The following KCTD20 variants were observed in gnomAD, a reference collection of about 807,000 sequenced individuals.
The protein encoded by KCTD20 is potassium channel tetramerization domain containing 20, also known as BTB/POZ domain-containing protein KCTD20.
In KCTD20, 30 loss-of-function variants were observed where a neutral mutation model predicts 39.6. The ratio of observed to expected loss-of-function variants is 0.76; its 90% CI spans 0.57 to 1.03. The LOEUF (loss-of-function observed/expected upper bound fraction) is 1.03, where lower values mean the gene tolerates loss of function less well. KCTD20 is among the 50% of genes least tolerant of loss of function. The probability of loss-of-function intolerance (pLI) is 0.00; values close to 1 mark genes in which losing one functional copy is unlikely to be tolerated. For synonymous variants in KCTD20, 162 were observed against 180.6 expected, an observed-to-expected ratio of 0.90 and a Z score of 0.83; for missense variants, 422 against 522.0, an observed-to-expected ratio of 0.81 and a Z score of 1.87.
intron 1 of KCTD20, chr6:36,451,779 T>G (rs1328918345): frequency 6.6e-6 from 1 of 152,272 alleles, no homozygotes; most frequent in African/African-American, 2.4e-5. Flanking sequence ...CATAAACTGC[T>G]GCACCTGGCC....
chr6:36,470,334 T>A, intron 2 of KCTD20, 77 bp downstream of exon 2: 1 of 1,325,724 alleles, frequency 7.5e-7, no homozygotes, highest in South Asian at 1.5e-5. Context: ...AAGGCATGAA[T>A]GTTTTTAATC....
At chr6:36,471,235 ATTC>A (rs1420849081) in intron 2 of KCTD20, among the ~76,000 whole-genome samples, 1 of 152,170 alleles carries the variant, frequency 6.6e-6, no homozygotes, top group Admixed American at 6.5e-5. Context: ...ATAAACTGAA[ATTC>A]TTTTTAACTT....
rs985060504 is a variant in KCTD20, at chr6:36,456,632, C to T, written c.-46-13420C>T. On this transcript the variant is annotated intron_variant, in intron 1 of 7. Transcript: ENST00000373731. ...AGCTGGGATCTTGCTCTGTTATCCA[C>T]GGTGGCATATAGTGGTGCTATCACA... Among the ~76,000 whole-genome samples the T allele has an allele frequency of 1.1e-4, 16 of 144,970 alleles. 1 individual carries two copies. The South Asian group carries it at 2.6e-3, about 24-fold the overall frequency.
rs1442294689 is a variant in KCTD20 at position 36,469,724 on chromosome 6, C to G, written c.-46-328C>G. Among the ~76,000 whole-genome samples, 5 of 152,096 alleles carry G rather than the reference C, an allele frequency of 3.3e-5. No individual in the cohort carries two copies. The highest frequency in any genetic ancestry group is 9.7e-5 in the African/African-American group (4 of 41,400). ...AGTTGGACTCTCTGCTGCCCTATGT[C>G]TCTGTAATATGAATACCACAAAATT... is the stretch of plus-strand genomic sequence containing the variant. On this transcript the variant is annotated intron_variant, in intron 1 of 7. Coordinates refer to ENST00000373731, the MANE Select transcript of KCTD20 (RefSeq NM_173562.5). This position sits in a 1 kb window ranked among gnomAD's most constrained non-coding sequence, Gnocchi z 4.6.
chr6:36,471,820 G>T (rs1301527060), intron 2 of KCTD20, among the ~76,000 whole-genome samples: 3 of 151,562 alleles, frequency 2.0e-5, no homozygotes, highest in Admixed American at 2.0e-4. Flanking sequence ...GCATTCTAAA[G>T]AACTGAATTA....
At chr6:36,479,269 T>C in intron 4 of KCTD20, 46 bp downstream of exon 4, 2 of 1,334,736 alleles carry the variant, frequency 1.5e-6, no homozygotes, top group Middle Eastern at 1.8e-4. Context: ...CAGGGGCATG[T>C]GTGATCAATA....
At chr6:36,477,996 A>G (rs6926796) in intron 3 of KCTD20, among the ~76,000 whole-genome samples, 40,511 of 150,246 alleles carry the variant, frequency 0.27, 6,212 homozygotes, top group African/African-American at 0.42. Context: ...TGGGGAGGCT[A>G]AGGCAGGAGA....
At position 36,466,742 on chromosome 6, in the gene KCTD20, T is replaced by TG. The variant is rs143659940; in HGVS notation, c.-46-3305dup. 7.9e-3 allele frequency among the ~76,000 whole-genome samples: 1,206 copies of TG among 152,018 alleles called. 16 individuals are homozygous for TG. Among genetic ancestry groups the TG allele is most frequent in the African/African-American group, 0.025 (1,045 of 41,440 alleles). On this transcript the variant is annotated intron_variant, in intron 1 of 7. Transcript: ENST00000373731. ...TCTGTTCTGAGGACGAAGATTCATTTGGGGGATGGCTACAGAAGTGAACCA... is the reference window on the plus strand; with the variant it reads ...TCTGTTCTGAGGACGAAGATTCATTTGGGGGGATGGCTACAGAAGTGAACCA...
chr6:36,461,505 A>G (rs1775598245), intron 1 of KCTD20, among the ~76,000 whole-genome samples: 1 of 152,132 alleles, frequency 6.6e-6, no homozygotes, highest in Non-Finnish European at 1.5e-5. Flanking sequence ...TATGTAGTAC[A>G]TTAATATTTT....
intron 7 of KCTD20, 23 bp from the exon 8 acceptor site, chr6:36,486,860 A>C: frequency 6.3e-7 from 1 of 1,596,140 alleles, no homozygotes; most frequent in South Asian, 1.1e-5. Context: ...GTTAGTCATG[A>C]GAATGGCCTT....
Position 36,486,856 on chromosome 6 carries a change from C to G in KCTD20, c.968-27C>G, listed in dbSNP as rs144196907. 3.5e-4 allele frequency: 549 copies of G among 1,588,558 alleles called. 2 individuals carry two copies. The African/African-American group carries it at 6.7e-3, about 19-fold the overall frequency. ...ACCAGAGTGAGCACAATTTGTTAGT[C>G]ATGAGAATGGCCTTTTTCCATTGCA... is the stretch of plus-strand genomic sequence containing the variant. On this transcript the variant is annotated intron_variant, in intron 7 of 7. Transcript: ENST00000373731.
chr6:36,474,151 G>A (rs1346110904), intron 2 of KCTD20, among the ~76,000 whole-genome samples: 6 of 151,970 alleles, frequency 3.9e-5, no homozygotes, highest in Non-Finnish European at 7.4e-5. Flanking sequence ...GTATACATGT[G>A]CCATGCTGGT....
chr6:36,462,342 G>A (rs1409630781), intron 1 of KCTD20, among the ~76,000 whole-genome samples: 1 of 152,090 alleles, frequency 6.6e-6, no homozygotes, highest in East Asian at 1.9e-4. Flanking sequence ...GATTAAAAAG[G>A]CCTCCCAACC....
In KCTD20 at chr6:36,486,968, C is replaced by G; in HGVS notation, c.1053C>G (p.Ile351Met). 1.9e-6 allele frequency: 3 copies of G among 1,614,154 alleles called. 1 individual carries two copies. In the Middle Eastern group the frequency reaches 4.9e-4, roughly 266 times the overall value. Residue 351 changes from isoleucine to methionine, a missense_variant, in exon 8 of 8, where the codon ATC becomes ATG. By Grantham distance (10) the Ile-to-Met change is conservative. Transcript: ENST00000373731. ...ATAATTATGTACAACGCCCCTTCAT[C>G]CAGATGTCATGGGAAAAGGAAGAAG... ...VIYNYVQRPF[I>M]QMSWEKEEGK...
Position 36,451,844 on chromosome 6 carries a change from C to T in KCTD20, c.-47+8733C>T, listed in dbSNP as rs551717632. On this transcript the variant is annotated intron_variant, in intron 1 of 7. Coordinates refer to ENST00000373731, the MANE Select transcript of KCTD20 (RefSeq NM_173562.5). ...ATTTATTTATTTAGAGACAGAGTCT[C>T]ACTCTGTCACCCAGGCAGTGCAGTA... 2.6e-5 allele frequency among the ~76,000 whole-genome samples: 4 copies of T among 152,028 alleles called. No individual in the cohort carries two copies. The East Asian group carries it at 7.7e-4, about 29-fold the overall frequency.
intron 6 of KCTD20, among the ~76,000 whole-genome samples, chr6:36,483,480 G>A (rs1396324739): frequency 6.6e-6 from 1 of 151,936 alleles, no homozygotes; most frequent in Non-Finnish European, 1.5e-5. Context: ...CCCAAGTGCT[G>A]GGATTGCAGG....
At chr6:36,455,749 G>C (rs929715787) in intron 1 of KCTD20, among the ~76,000 whole-genome samples, 3 of 152,204 alleles carry the variant, frequency 2.0e-5, no homozygotes, top group African/African-American at 7.2e-5. Context: ...CTCTAGGATA[G>C]GAGCAAAAGC....
chr6:36,448,066 G>C (rs868051828), intron 1 of KCTD20, among the ~76,000 whole-genome samples: 1 of 142,864 alleles, frequency 7.0e-6, no homozygotes, highest in Non-Finnish European at 1.5e-5. Context: ...TTTATGATAA[G>C]TATAAAGTAA....
chr6:36,470,626 G>A (rs1775884238), intron 2 of KCTD20, among the ~76,000 whole-genome samples: 2 of 151,610 alleles, frequency 1.3e-5, no homozygotes, highest in South Asian at 4.2e-4. Context: ...TTTTTGAGAT[G>A]GGGTCTCACT....
Sources: allele counts gnomAD v4.1 joint callset (sites outside exome capture counted in the v4.1 genomes callset), GRCh38; gene constraint gnomAD v4.1.1; non-coding constraint Gnocchi (gnomAD v3.1); transcripts MANE v1.5; gene names NCBI Gene and HGNC (gene_info 2026-07-23, HGNC 2026-07-21).